The following CASD1 variants were observed in gnomAD, a reference collection of about 807,000 sequenced individuals.
CASD1 encodes the protein N-acetylneuraminate (7)9-O-acetyltransferase.
In CASD1, 41 loss-of-function variants were observed where a neutral mutation model predicts 100.0. The ratio of observed to expected loss-of-function variants is 0.41; its 90% CI spans 0.32 to 0.53. The LOEUF (loss-of-function observed/expected upper bound fraction) is 0.53. Ranked by LOEUF, CASD1 falls within the 20% of genes least tolerant of loss-of-function variation. CASD1 has a pLI of 0.25. For synonymous variants in CASD1, 321 were observed against 315.6 expected (o/e 1.02, Z -0.18); for missense variants, 774 against 948.7 (o/e 0.82, Z 2.42).
At chr7:94,546,648 A>T (rs1022301918) in intron 12 of CASD1, among the ~76,000 whole-genome samples, 2 of 151,976 alleles carry the variant, frequency 1.3e-5, no homozygotes, top group Admixed American at 1.3e-4. Flanking sequence ...ATGTTAAAAT[A>T]TATTTTATGT....
At chr7:94,576,183 C>T in the CASD1 span, among the ~76,000 whole-genome samples, 18 of 151,932 alleles carry the variant, frequency 1.2e-4, no homozygotes, top group East Asian at 3.9e-4. Context: ...ATTCTTTTTT[C>T]GTTTTATTCC....
intron 5 of CASD1, among the ~76,000 whole-genome samples, chr7:94,531,608 A>G (rs555945706): frequency 6.6e-6 from 1 of 152,258 alleles, no homozygotes; most frequent in South Asian, 2.1e-4. Context: ...ACAGTGTAAA[A>G]TGAAGCATGC....
chr7:94,588,847 C>T, the CASD1 span: 1 of 1,109,338 alleles, frequency 9.0e-7, no homozygotes, highest in East Asian at 2.5e-5. Flanking sequence ...GTCATGTAAT[C>T]CAGCACAATT....
the CASD1 span, among the ~76,000 whole-genome samples, chr7:94,568,520 AAGAT>A: frequency 1.3e-5 from 2 of 152,200 alleles, no homozygotes; most frequent in African/African-American, 4.8e-5. Context: ...AGTAAATCCA[AAGAT>A]AGACTGAGAA....
At chr7:94,531,677 A>G (rs1379207083) in intron 5 of CASD1, among the ~76,000 whole-genome samples, 1 of 152,084 alleles carries the variant, frequency 6.6e-6, no homozygotes, top group African/African-American at 2.4e-5. Flanking sequence ...ATTTTTCTCT[A>G]TATTTGTAGT....
At chr7:94,578,184 G>C in the CASD1 span, among the ~76,000 whole-genome samples, 2 of 152,124 alleles carry the variant, frequency 1.3e-5, no homozygotes, top group Admixed American at 6.5e-5. Context: ...CTTATTTGTT[G>C]AGAAGAGAGT....
chr7:94,535,684 A>G (rs917899429), intron 8 of CASD1, among the ~76,000 whole-genome samples, 161 bp downstream of exon 8: 2 of 152,202 alleles, frequency 1.3e-5, no homozygotes, highest in East Asian at 1.9e-4. Flanking sequence ...TTTGCTTTCT[A>G]TCATCTAGTT....
intron 3 of CASD1, among the ~76,000 whole-genome samples, chr7:94,520,076 ATTAAT>A (rs1794186637): frequency 6.6e-6 from 1 of 152,184 alleles, no homozygotes; most frequent in South Asian, 2.1e-4. Flanking sequence ...ATCAGACAAG[ATTAAT>A]TTATATGCAT....
At chr7:94,598,223 C>A in the CASD1 span, 59 of 162,320 alleles carry the variant, frequency 3.6e-4, 1 homozygote, top group South Asian at 5.7e-3. Flanking sequence ...GTCCTTCTAG[C>A]CTTTCTAACC....
At chr7:94,585,628 G>A in the CASD1 span, 2 of 738,816 alleles carry the variant, frequency 2.7e-6, no homozygotes, top group Middle Eastern at 2.4e-4. Flanking sequence ...TTAATACAAT[G>A]TAAAATAATT....
At chr7:94,525,847 G>A (rs554339836) in intron 3 of CASD1, among the ~76,000 whole-genome samples, 53 of 152,308 alleles carry the variant, frequency 3.5e-4, no homozygotes, top group Non-Finnish European at 6.9e-4. Flanking sequence ...GGAGATTACA[G>A]TATAAATACT....
At chr7:94,609,766 G>A in the CASD1 span, among the ~76,000 whole-genome samples, 1 of 152,200 alleles carries the variant, frequency 6.6e-6, no homozygotes, top group Non-Finnish European at 1.5e-5. Flanking sequence ...TGGTGGGAAT[G>A]CAAGATGGTG....
the CASD1 span, among the ~76,000 whole-genome samples, chr7:94,579,965 CA>C: frequency 6.6e-6 from 1 of 152,158 alleles, no homozygotes; most frequent in Non-Finnish European, 1.5e-5. Context: ...ACCCACACGT[CA>C]GAATTGGCTC....
intron 12 of CASD1, 61 bp downstream of exon 12, chr7:94,545,762 GT>G: frequency 9.8e-7 from 1 of 1,023,026 alleles, no homozygotes; most frequent in Non-Finnish European, 1.4e-6. Context: ...AAATTTCTTT[GT>G]AGTTGCTAAA....
At chr7:94,531,015 T>C (rs1444544829) in intron 5 of CASD1, among the ~76,000 whole-genome samples, 1 of 152,142 alleles carries the variant, frequency 6.6e-6, no homozygotes, top group Non-Finnish European at 1.5e-5. Context: ...ACAGTTTTAA[T>C]GGATAGTGAA....
the CASD1 span, among the ~76,000 whole-genome samples, chr7:94,579,591 G>T: frequency 6.6e-6 from 1 of 152,132 alleles, no homozygotes; most frequent in Non-Finnish European, 1.5e-5. Context: ...GACTTTCCCT[G>T]ATCGTTAGAT....
the CASD1 span, among the ~76,000 whole-genome samples, chr7:94,571,980 A>G: frequency 1.3e-5 from 2 of 152,314 alleles, no homozygotes; most frequent in Admixed American, 6.5e-5. Context: ...GGAAACATAG[A>G]AGTGGTGTCC....
At chr7:94,607,606 G>GA in the CASD1 span, among the ~76,000 whole-genome samples, 186 of 149,428 alleles carry the variant, frequency 1.2e-3, 2 homozygotes, top group African/African-American at 3.2e-3. Flanking sequence ...GGCAATTTGT[G>GA]AAAAAAAAAA....
the CASD1 span, among the ~76,000 whole-genome samples, chr7:94,578,948 A>G: frequency 6.6e-6 from 1 of 152,166 alleles, no homozygotes; most frequent in Non-Finnish European, 1.5e-5. Flanking sequence ...TAATCCAGGT[A>G]GCTTCCTTTC....
Sources: gnomAD v4.1 joint callset for allele counts (sites outside exome capture counted in the v4.1 genomes callset) on GRCh38, gnomAD v4.1.1 for gene constraint, MANE v1.5 for transcripts, NCBI Gene and HGNC (gene_info 2026-07-23, HGNC 2026-07-21) for gene names.